SLC13A4: variants seen among roughly 807,000 people sequenced by gnomAD.
SLC13A4 encodes solute carrier family 13 member 4.
SLC13A4 carries 28 observed loss-of-function variants against 72.7 expected under a neutral mutation model. The observed-to-expected ratio is 0.39, with a 90% CI of 0.29 to 0.53. The LOEUF is 0.53. Among genes scored for constraint, SLC13A4 ranks in the 20% least tolerant of loss-of-function variants. The pLI is 0.78. For missense variants in SLC13A4, 653 were observed against 788.0 expected (o/e 0.83, Z 2.05); for synonymous variants, 312 against 325.5 (o/e 0.96, Z 0.45).
chr7:135,706,789 C>T (rs1157822353), intron 3 of SLC13A4, among the ~76,000 whole-genome samples: 1 of 152,202 alleles, frequency 6.6e-6, no homozygotes. Flanking sequence ...GCTCACAGTT[C>T]CACCCACTAC....
At chr7:135,723,863 G>A (rs1208051037) in intron 1 of SLC13A4, among the ~76,000 whole-genome samples, 3 of 152,058 alleles carry the variant, frequency 2.0e-5, no homozygotes, top group South Asian at 4.2e-4. Flanking sequence ...AGATCAGAGG[G>A]AAGATAAAAC....
chr7:135,682,842 G>A (rs1584711839), intron 15 of SLC13A4, among the ~76,000 whole-genome samples: 1 of 152,148 alleles, frequency 6.6e-6, no homozygotes, highest in South Asian at 2.1e-4. Flanking sequence ...GGTCAGTGGT[G>A]GGGGCACACA....
At chr7:135,685,176 C>T (rs1418856038) in intron 14 of SLC13A4, among the ~76,000 whole-genome samples, 1 of 152,116 alleles carries the variant, frequency 6.6e-6, no homozygotes, top group African/African-American at 2.4e-5. Context: ...GGTTTTATCT[C>T]AGGAGAGAAA....
chr7:135,708,121 G>T lies in SLC13A4; in HGVS notation c.358C>A (p.Pro120Thr). 2 of 1,613,086 alleles carry T rather than the reference G, an allele frequency of 1.2e-6. No homozygotes were observed. Among genetic ancestry groups the T allele is most frequent in the Non-Finnish European group, 8.5e-7 (1 of 1,179,154 alleles). The change falls in exon 3 of 16, where the codon CCG (proline) becomes ACG (threonine). Residue 120 changes from proline (P) to threonine (T), a missense_variant. Pro to Thr is a conservative substitution (Grantham distance 38). Transcript: ENST00000682651. Reference protein sequence around the residue: ...LRMVLMAGAKPGMLLLCFMCC... With the variant: ...LRMVLMAGAKTGMLLLCFMCC... ...ATCCCAAATAAGACTTACATGCCCG[G>T]CTTGGCTCCGGCCATCAAGACCATG...
At chr7:135,689,477 G>A (rs981972015) in intron 13 of SLC13A4, among the ~76,000 whole-genome samples, 3 of 152,152 alleles carry the variant, frequency 2.0e-5, no homozygotes, top group Non-Finnish European at 4.4e-5. Flanking sequence ...GAGAGATGGG[G>A]CTTGGGTAAT....
In SLC13A4 at chr7:135,716,687, C is replaced by T. The variant is rs143287503; in HGVS notation, c.228+4708G>A. Among the ~76,000 whole-genome samples, 425 of 152,346 alleles carry T rather than the reference C, an allele frequency of 2.8e-3. 2 individuals carry two copies. The highest frequency in any genetic ancestry group is 9.9e-3 in the African/African-American group (411 of 41,580). On this transcript the variant is annotated intron_variant, in intron 2 of 15. Coordinates refer to ENST00000682651, the MANE Select transcript of SLC13A4 (RefSeq NM_001318192.2). ...TAAGAGCTCAAGTTCTGGAATCATA[C>T]AATCTTGGATTCAAGTCCCAGCTCC... is the stretch of plus-strand genomic sequence containing the variant.
chr7:135,724,788 C>G (rs550366457), intron 1 of SLC13A4, among the ~76,000 whole-genome samples: 1 of 152,158 alleles, frequency 6.6e-6, no homozygotes, highest in Non-Finnish European at 1.5e-5. Flanking sequence ...TCTTTCCATA[C>G]AGTTTCCACT....
At chr7:135,726,164 C>A (rs950367975) in intron 1 of SLC13A4, among the ~76,000 whole-genome samples, 1 of 151,630 alleles carries the variant, frequency 6.6e-6, no homozygotes, top group Non-Finnish European at 1.5e-5. Flanking sequence ...TTATAGCAAC[C>A]TACATGGAGA....
At chr7:135,727,102 A>C (rs182067878) in intron 1 of SLC13A4, among the ~76,000 whole-genome samples, 3 of 152,310 alleles carry the variant, frequency 2.0e-5, no homozygotes, top group Admixed American at 6.5e-5. Flanking sequence ...CTGCTGGGGC[A>C]GGCTGGCCTG....
At chr7:135,688,107 C>G (rs1228087406) in intron 13 of SLC13A4, among the ~76,000 whole-genome samples, 1 of 152,060 alleles carries the variant, frequency 6.6e-6, no homozygotes, top group African/African-American at 2.4e-5. Context: ...TCCCAAGTAG[C>G]TGGGATTACA....
chr7:135,703,150 G>A (rs978909012), intron 5 of SLC13A4: 1 of 507,252 alleles, frequency 2.0e-6, no homozygotes, highest in Non-Finnish European at 3.5e-6. Flanking sequence ...CAGATGTGGA[G>A]TGGATATTAG....
chr7:135,719,777 CCA>C (rs1796501876), intron 2 of SLC13A4, among the ~76,000 whole-genome samples: 1 of 125,864 alleles, frequency 7.9e-6, no homozygotes, highest in African/African-American at 3.3e-5. Flanking sequence ...CTACTCAATG[CCA>C]CATGTGTGTG....
At chr7:135,719,105 G>T (rs562871641) in intron 2 of SLC13A4, among the ~76,000 whole-genome samples, 2 of 152,300 alleles carry the variant, frequency 1.3e-5, no homozygotes, top group East Asian at 3.9e-4. Flanking sequence ...GGCTCCTCCA[G>T]CCCCTAGCAA....
At chr7:135,715,711 C>T (rs748942277) in intron 2 of SLC13A4, among the ~76,000 whole-genome samples, 9 of 152,322 alleles carry the variant, frequency 5.9e-5, no homozygotes, top group Admixed American at 4.6e-4. Flanking sequence ...CTCCTATAGA[C>T]AGTAAATCTT....
rs767674790 is a variant in SLC13A4 at position 135,724,293 on chromosome 7, G to A, written c.100-2770C>T. Among the ~76,000 whole-genome samples, 8 of 152,076 alleles carry A rather than the reference G, an allele frequency of 5.3e-5. No homozygotes were observed. The South Asian group carries it at 1.7e-3, about 31-fold the overall frequency. ...GTGGATCAGTTGAGGTCAGGAGTTC[G>A]AGACCAGCCTGGCCAACATGGCGAA... is the stretch of plus-strand genomic sequence containing the variant. On this transcript the variant is annotated intron_variant, in intron 1 of 15. Coordinates refer to ENST00000682651, the MANE Select transcript of SLC13A4 (RefSeq NM_001318192.2).
At position 135,691,273 on chromosome 7, in the gene SLC13A4, G is replaced by T. The variant is rs757326373; in HGVS notation, c.1374C>A (p.Asp458Glu). The change falls in exon 13 of 16, where the codon GAC (aspartate) becomes GAA (glutamate). Residue 458 changes from aspartate to glutamate, a missense_variant. Physicochemically the swap from Asp to Glu is conservative, Grantham distance 45. Transcript: ENST00000682651. Reference sequence around the variant, plus strand: ...TCTCCCAGGGCATGGTCTTCTGGAAGTCCTTCCACGTGATGATGGGCTCGG... The same window carrying T: ...TCTCCCAGGGCATGGTCTTCTGGAATTCCTTCCACGTGATGATGGGCTCGG... ...LGTEPIITWK[D>E]FQKTMPWEIV... The T allele has an allele frequency of 1.2e-6, 2 of 1,613,908 alleles. No homozygotes were observed. The highest frequency in any genetic ancestry group is 2.2e-5 in the South Asian group (2 of 91,018).
Position 135,694,152 on chromosome 7 carries a change from T to G in SLC13A4, c.1106A>C (p.Lys369Thr). Residue 369 changes from lysine to threonine, a missense_variant, in exon 10 of 16, where the codon AAA becomes ACA. Coordinates refer to ENST00000682651, the MANE Select transcript of SLC13A4 (RefSeq NM_001318192.2). ...SEKRIQEEYE[K>T]LGDISYPEMV... ...TGATTTTTACCTAATGTCTCCCAGT[T>G]TTTCATATTCTTCTTGGATCCTCTT... The G allele has an allele frequency of 6.2e-7, 1 of 1,609,190 alleles. No homozygotes were observed. Among genetic ancestry groups the G allele is most frequent in the Non-Finnish European group, 8.5e-7 (1 of 1,175,584 alleles).
chr7:135,714,961 TGA>T (rs1406588953), intron 2 of SLC13A4, among the ~76,000 whole-genome samples: 1 of 151,096 alleles, frequency 6.6e-6, no homozygotes, highest in Non-Finnish European at 1.5e-5. Context: ...AGAGTGTGTG[TGA>T]GTGTGTATGT....
intron 2 of SLC13A4, among the ~76,000 whole-genome samples, chr7:135,718,187 C>T (rs925181130): frequency 2.0e-5 from 3 of 151,862 alleles, no homozygotes; most frequent in Non-Finnish European, 2.9e-5. Context: ...AGCTCAGATA[C>T]GAGATTCAAG....
Sources: allele counts gnomAD v4.1 joint callset (sites outside exome capture counted in the v4.1 genomes callset), GRCh38; gene constraint gnomAD v4.1.1; transcripts MANE v1.5; gene names NCBI Gene and HGNC (gene_info 2026-07-23, HGNC 2026-07-21).